The following TCF20 variants were observed in gnomAD, a reference collection of about 807,000 sequenced individuals.
TCF20 encodes the protein SPRE-binding protein.
Under a neutral mutation model 148.6 loss-of-function variants are expected in TCF20, and 3 were observed. The observed-to-expected ratio is 0.02, with a 90% confidence interval of 0.01 to 0.05. The LOEUF (loss-of-function observed/expected upper bound fraction) is 0.05. Ranked by LOEUF, TCF20 falls within the 10% of genes least tolerant of loss-of-function variation. The pLI is 1.00. For missense variants in TCF20, 2,350 were observed against 2,429.3 expected (o/e 0.97, Z 0.69); for synonymous variants, 1,049 against 909.5 (o/e 1.15, Z -2.76).
chr22:42,231,885 A>T (rs1234729463), intron 1 of TCF20, among the ~76,000 whole-genome samples: 1 of 147,288 alleles, frequency 6.8e-6, no homozygotes, highest in Non-Finnish European at 1.5e-5. Context: ...GCCAAGATCA[A>T]GCCACCGCAC....
upstream of TCF20, among the ~76,000 whole-genome samples, chr22:42,287,417 G>C (rs1927052350): frequency 6.6e-6 from 1 of 152,212 alleles, no homozygotes; most frequent in Non-Finnish European, 1.5e-5. Flanking sequence ...ACAAAGAGCA[G>C]AGCTAGAGTT....
intron 1 of TCF20, among the ~76,000 whole-genome samples, chr22:42,304,006 T>G (rs1019422207): frequency 2.0e-5 from 3 of 151,998 alleles, no homozygotes; most frequent in Admixed American, 1.3e-4. Flanking sequence ...AGTCTAGCTG[T>G]GCCCGGGAAG....
At chr22:42,304,231 G>A (rs879085968) in intron 1 of TCF20, among the ~76,000 whole-genome samples, 1 of 152,132 alleles carries the variant, frequency 6.6e-6, no homozygotes, top group Non-Finnish European at 1.5e-5. Flanking sequence ...CCCCCGCCCC[G>A]CCTTAGCTGC....
At chr22:42,238,982 A>G (rs5758669) in intron 1 of TCF20, among the ~76,000 whole-genome samples, 30,065 of 151,510 alleles carry the variant, frequency 0.2, 3,160 homozygotes, top group East Asian at 0.35. Flanking sequence ...GCCAGGTGTG[A>G]TGGCGGGCAC....
chr22:42,335,368 G>A (rs1454379622), intron 1 of TCF20, among the ~76,000 whole-genome samples: 1 of 151,954 alleles, frequency 6.6e-6, no homozygotes, highest in Non-Finnish European at 1.5e-5. Flanking sequence ...CCACAGGCCG[G>A]CACCAGCCAC....
intron 1 of TCF20, among the ~76,000 whole-genome samples, chr22:42,243,319 A>AAAAAAG (rs1418328003): frequency 6.8e-6 from 1 of 146,988 alleles, no homozygotes; most frequent in Non-Finnish European, 1.5e-5. Flanking sequence ...AAAAAAAAAA[A>AAAAAAG]AAGTCAGGCA....
At chr22:42,181,494 TCA>T (rs1356735705) in intron 2 of TCF20, among the ~76,000 whole-genome samples, 1 of 151,896 alleles carries the variant, frequency 6.6e-6, no homozygotes, top group African/African-American at 2.4e-5. Flanking sequence ...GGGGGATGAA[TCA>T]CAGTGAGTGG....
chr22:42,308,288 C>T (rs1434413883), intron 1 of TCF20, among the ~76,000 whole-genome samples: 4 of 151,970 alleles, frequency 2.6e-5, no homozygotes, highest in African/African-American at 7.3e-5. Context: ...AGAGAGAGCT[C>T]GAGGAGGAAA....
chr22:42,255,520 ACAACAACAAAAC>A (rs1389051841), intron 1 of TCF20, among the ~76,000 whole-genome samples: 1 of 149,936 alleles, frequency 6.7e-6, no homozygotes, highest in African/African-American at 2.5e-5. Flanking sequence ...AACAACAACA[ACAACAACAAAAC>A]CACATTATTT....
chr22:42,207,682 G>C (rs1300160571), intron 2 of TCF20, among the ~76,000 whole-genome samples: 1 of 152,186 alleles, frequency 6.6e-6, no homozygotes, highest in Non-Finnish European at 1.5e-5. Context: ...GTGCATGGTG[G>C]CGCATGCCTC....
At chr22:42,206,349 A>AG (rs1938383776) in intron 2 of TCF20, among the ~76,000 whole-genome samples, 1 of 152,012 alleles carries the variant, frequency 6.6e-6, no homozygotes, top group Non-Finnish European at 1.5e-5. Flanking sequence ...TGAGGTCAGG[A>AG]GTTCCAGACC....
intron 1 of TCF20, among the ~76,000 whole-genome samples, chr22:42,316,144 G>A (rs1190436219): frequency 6.9e-6 from 1 of 145,670 alleles, no homozygotes; most frequent in Non-Finnish European, 1.5e-5. Context: ...TTAAAGACAA[G>A]AGGCCACATC....
chr22:42,251,373 G>C (rs989635949), intron 1 of TCF20, among the ~76,000 whole-genome samples: 3 of 151,814 alleles, frequency 2.0e-5, no homozygotes, highest in Non-Finnish European at 1.5e-5. Flanking sequence ...GTAGAGACAG[G>C]GTTTCTCCAC....
Position 42,211,088 on chromosome 22 carries a change from C to T in TCF20, c.4218G>A (p.Glu1406=), listed in dbSNP as rs1246234677. The change falls in exon 2 of 6, where the codon GAG becomes GAA. Residue 1406 remains glutamate (E), a synonymous_variant. Transcript: ENST00000677622. Reference sequence around the variant, plus strand: ...CCGAAGCCACCTCACCTTTTCTCTTCTCTATGTCAGCATCCTGAACAGCAA... The same window carrying T: ...CCGAAGCCACCTCACCTTTTCTCTTTTCTATGTCAGCATCCTGAACAGCAA... ...GSVAVQDADI[E]KRKGEVASDL... 1 of 1,614,158 alleles carries T rather than the reference C, an allele frequency of 6.2e-7. No homozygotes were observed. Among genetic ancestry groups the T allele is most frequent in the Admixed American group, 1.7e-5 (1 of 60,018 alleles).
chr22:42,290,586 C>T lies in TCF20; in HGVS notation c.-37+52893G>A, dbSNP rs1927115322. Among the ~76,000 whole-genome samples the T allele has an allele frequency of 6.6e-6, 1 of 152,108 alleles. No individual in the cohort carries two copies. ...TGGCCTGTGATATTAGAGCCAAGGG[C>T]AGGCTGGGAGGGAAAGGCTTCTGGT... On this transcript the variant is annotated intron_variant, in intron 1 of 1. Transcript: ENST00000515426. This position sits in a 1 kb window ranked among gnomAD's most constrained non-coding sequence, Gnocchi z 4.2.
Position 42,322,723 on chromosome 22 carries a change from T to C in TCF20, c.-37+20756A>G, listed in dbSNP as rs574085038. On this transcript the variant is annotated intron_variant, in intron 1 of 1. Coordinates refer to the TCF20 transcript ENST00000515426. ...GTGTCTGAGGGAATGAATAAGTGTC[T>C]GAGTGAATGAATGAGTGCCCGAGGG... 9.3e-4 allele frequency among the ~76,000 whole-genome samples: 136 copies of C among 145,550 alleles called. 1 individual carries two copies. The highest frequency in any genetic ancestry group is 3.6e-3 in the African/African-American group (134 of 37,316).
intron 1 of TCF20, among the ~76,000 whole-genome samples, chr22:42,296,539 G>A (rs1053061478): frequency 1.3e-5 from 2 of 152,242 alleles, no homozygotes; most frequent in African/African-American, 4.8e-5. Context: ...TCGAGCTGCT[G>A]CCCACCAGCC....
chr22:42,242,218 A>AAAAAAAAAAAAAC (rs1555942526), intron 1 of TCF20, among the ~76,000 whole-genome samples: 48 of 142,648 alleles, frequency 3.4e-4, no homozygotes, highest in Non-Finnish European at 4.7e-4. Flanking sequence ...AAAAAAAAAA[A>AAAAAAAAAAAAAC]AAAAAAAAAC....
chr22:42,185,329 C>T (rs1281063146), intron 2 of TCF20, among the ~76,000 whole-genome samples: 1 of 152,208 alleles, frequency 6.6e-6, no homozygotes, highest in African/African-American at 2.4e-5. Context: ...AACTGTGAGA[C>T]TTGTTCTTGC....
Sources: allele counts gnomAD v4.1 joint callset (sites outside exome capture counted in the v4.1 genomes callset), GRCh38; gene constraint gnomAD v4.1.1; non-coding constraint Gnocchi (gnomAD v3.1); transcripts MANE v1.5; gene names NCBI Gene and HGNC (gene_info 2026-07-23, HGNC 2026-07-21).